CCT8L2: variants seen among roughly 807,000 people sequenced by gnomAD.
The protein encoded by CCT8L2 is chaperonin containing TCP1 subunit 8 like 2.
In CCT8L2, 29 loss-of-function variants were observed where a neutral mutation model predicts 31.5. That is an observed-to-expected ratio of 0.92 (90% CI 0.68 to 1.25). The LOEUF is 1.25. Among genes scored for constraint, CCT8L2 ranks in the 50% most tolerant of loss-of-function variants. CCT8L2 has a pLI of 0.00. For synonymous variants in CCT8L2, 256 were observed against 290.1 expected, an observed-to-expected ratio of 0.88 and a Z score of 1.19; for missense variants, 589 against 695.7, an observed-to-expected ratio of 0.85 and a Z score of 1.73.
In CCT8L2 at chr22:16,592,454, G is replaced by A. The variant is rs2059594757; in HGVS notation, c.97C>T (p.Leu33=). The A allele has an allele frequency of 6.2e-7, 1 of 1,614,176 alleles. No individual in the cohort carries two copies. Among genetic ancestry groups the A allele is most frequent in the African/African-American group, 1.3e-5 (1 of 75,066 alleles). ...PRSPEEEEPH[L]LSSLAAVQTL... ...TGGACTGCAGCCAAGCTGCTCAGCA[G>A]GTGGGGCTCCTCCTCTTCTGGACTC... The change falls in exon 1 of 1, where the codon CTG becomes TTG. Residue 33 remains leucine, a synonymous_variant. Coordinates refer to ENST00000359963, the MANE Select transcript of CCT8L2 (RefSeq NM_014406.5).
chr22:16,590,917 G>A lies in CCT8L2; in HGVS notation c.1634C>T (p.Pro545Leu), dbSNP rs755098672. 1 of 1,613,442 alleles carries A rather than the reference G, an allele frequency of 6.2e-7. No homozygotes were observed. Among genetic ancestry groups the A allele is most frequent in the African/African-American group, 1.3e-5 (1 of 74,850 alleles). Residue 545 changes from proline (P) to leucine (L), a missense_variant, in exon 1 of 1, where the codon CCT becomes CTT. Pro to Leu is a moderately conservative substitution (Grantham distance 98). Transcript: ENST00000359963. ...PDSKKTKKHP[P>L]PVETKKILGL... ...AAGGATTTTTTTTGTTTCCACAGGAGGTGGGTGTTTCTTTGTCTTCTTAGA... is the reference window on the plus strand; with the variant it reads ...AAGGATTTTTTTTGTTTCCACAGGAAGTGGGTGTTTCTTTGTCTTCTTAGA...
chr22:16,592,176 A>G lies in CCT8L2; in HGVS notation c.375T>C (p.Ala125=), dbSNP rs5747988. ...CCCGGAGCTGCGGGCGAGGCAGGCC[A>G]GCCTTCAGCAGCTGCTCTGCCTGTT... is the stretch of plus-strand genomic sequence containing the variant. The part of the protein sequence containing the change: ...LLEQAEQLLK[A]GLPRPQLREA... Residue 125 remains alanine, a synonymous_variant, in exon 1 of 1, where the codon GCT becomes GCC. Coordinates refer to ENST00000359963, the MANE Select transcript of CCT8L2 (RefSeq NM_014406.5). 1,472,458 of 1,614,114 alleles carry G rather than the reference A, an allele frequency of 0.91. 673,999 individuals carry two copies. The highest frequency in any genetic ancestry group is 0.95 in the Middle Eastern group (5,760 of 6,062).
Position 16,591,003 on chromosome 22 carries a change from A to G in CCT8L2, c.1548T>C (p.Thr516=). Residue 516 remains threonine (T), a synonymous_variant, in exon 1 of 1, where the codon ACT becomes ACC. Coordinates refer to ENST00000359963, the MANE Select transcript of CCT8L2 (RefSeq NM_014406.5). ...AVAEVVLQLV[T]VDEIVVAKKS... The stretch of plus-strand genomic sequence containing the variant: ...TCTTGGCCACTACGATTTCATCTAC[A>G]GTCACGAGCTGTAGCACCACCTCAG... 6.2e-7 allele frequency: 1 copy of G among 1,613,958 alleles called. No homozygotes were observed.
chr22:16,591,982 G>A lies in CCT8L2; in HGVS notation c.569C>T (p.Ala190Val), dbSNP rs779608433. Reference sequence around the variant, plus strand: ...GAAGCTGCCGTCTAGTTCCTTGATAGCCCAGCAGGCGTGGGCCACCAGCTT... The same window carrying A: ...GAAGCTGCCGTCTAGTTCCTTGATAACCCAGCAGGCGTGGGCCACCAGCTT... ...LTKLVAHACW[A>V]IKELDGSFKP... Residue 190 changes from alanine to valine, a missense_variant, in exon 1 of 1, where the codon GCT becomes GTT. Ala to Val is a moderately conservative substitution (Grantham distance 64). Transcript: ENST00000359963. 1 of 1,614,176 alleles carries A rather than the reference G, an allele frequency of 6.2e-7. No individual in the cohort carries two copies. The highest frequency in any genetic ancestry group is 8.5e-7 in the Non-Finnish European group (1 of 1,180,036).
Position 16,592,267 on chromosome 22 carries a change from T to C in CCT8L2, c.284A>G (p.Gln95Arg). 6.2e-7 allele frequency: 1 copy of C among 1,614,256 alleles called. No individual in the cohort carries two copies. The highest frequency in any genetic ancestry group is 1.1e-5 in the South Asian group (1 of 91,090). Reference sequence around the variant, plus strand: ...GTCCCCACTATTCTCTGCCTGGGTTTGTCCTGCTTCCCGGAGGAGCCATGC... The same window carrying C: ...GTCCCCACTATTCTCTGCCTGGGTTCGTCCTGCTTCCCGGAGGAGCCATGC... ...PAAWLLREAGQTQAENSGDGT... is the reference protein window; with the variant it reads ...PAAWLLREAGRTQAENSGDGT... Residue 95 changes from glutamine (Q) to arginine (R), a missense_variant, in exon 1 of 1, where the codon CAA (glutamine) becomes CGA (arginine). Physicochemically the swap from Gln to Arg is conservative, Grantham distance 43 (BLOSUM62 1). Coordinates refer to ENST00000359963, the MANE Select transcript of CCT8L2 (RefSeq NM_014406.5).
chr22:16,592,309 T>C lies in CCT8L2; in HGVS notation c.242A>G (p.Glu81Gly). Residue 81 changes from glutamate (E) to glycine (G), a missense_variant, in exon 1 of 1, where the codon GAG (glutamate) becomes GGG (glycine). Coordinates refer to ENST00000359963, the MANE Select transcript of CCT8L2 (RefSeq NM_014406.5). ...GAGCCATGCTGCTGGGTGCTCCAGCTCCAGGGCCCTGAGGATGGCAGTGGC... is the reference window on the plus strand; with the variant it reads ...GAGCCATGCTGCTGGGTGCTCCAGCCCCAGGGCCCTGAGGATGGCAGTGGC... The part of the protein sequence containing the change: ...GCATAILRAL[E>G]LEHPAAWLLR... 6.2e-7 allele frequency: 1 copy of C among 1,614,202 alleles called. No individual in the cohort carries two copies. The highest frequency in any genetic ancestry group is 8.5e-7 in the Non-Finnish European group (1 of 1,180,032).
chr22:16,591,507 C>G lies in CCT8L2; in HGVS notation c.1044G>C (p.Gln348His), dbSNP rs372347697. 8.1e-6 allele frequency: 13 copies of G among 1,614,120 alleles called. No individual in the cohort carries two copies. In the African/African-American group the frequency reaches 1.1e-4, roughly 13 times the overall value. ...CTCCCAGCTCCTGCCTGTAAACCCTCTGGCACTTGCCTGGCCTCTGGGGAG... is the reference window on the plus strand; with the variant it reads ...CTCCCAGCTCCTGCCTGTAAACCCTGTGGCACTTGCCTGGCCTCTGGGGAG... ...LLPPQRPGKC[Q>H]RVYRQELGDG... is the part of the protein sequence containing the mutation. The change falls in exon 1 of 1, where the codon CAG becomes CAC. Residue 348 changes from glutamine to histidine, a missense_variant. Gln to His is a conservative substitution (Grantham distance 24). Transcript: ENST00000359963.
Position 16,592,090 on chromosome 22 carries a change from G to C in CCT8L2, c.461C>G (p.Ser154Cys). 2 of 1,614,242 alleles carry C rather than the reference G, an allele frequency of 1.2e-6. No individual in the cohort carries two copies. Among genetic ancestry groups the C allele is most frequent in the Non-Finnish European group, 8.5e-7 (1 of 1,180,046 alleles). ...GGATGGATCTTCCAAAGGCCCCAGA[G>C]ATTGGATGGCCAGGGAGGGCAGTGT... ...LATLPSLAIQ[S>C]LGPLEDPSWA... Residue 154 changes from serine to cysteine, a missense_variant, in exon 1 of 1, where the codon TCT (serine) becomes TGT (cysteine). Physicochemically the swap from Ser to Cys is moderately radical, Grantham distance 112. Coordinates refer to ENST00000359963, the MANE Select transcript of CCT8L2 (RefSeq NM_014406.5).
In CCT8L2 at chr22:16,591,827, C is replaced by T. The variant is rs1241693631; in HGVS notation, c.724G>A (p.Ala242Thr). The change falls in exon 1 of 1, where the codon GCT becomes ACT. Residue 242 changes from alanine (A) to threonine (T), a missense_variant. Physicochemically the swap from Ala to Thr is moderately conservative, Grantham distance 58. Transcript: ENST00000359963. ...GGACCAAAGGGGCAAGCAAAGAGAG[C>T]CACCCTGGCACCACTTAACACTGTG... ...MATVLSGARV[A>T]LFACPFGPAH... is the part of the protein sequence containing the mutation. The T allele has an allele frequency of 6.2e-7, 1 of 1,614,078 alleles. No individual in the cohort carries two copies. The highest frequency in any genetic ancestry group is 8.5e-7 in the Non-Finnish European group (1 of 1,180,054).
Position 16,591,848 on chromosome 22 carries a change from C to G in CCT8L2, c.703G>C (p.Val235Leu). 6.2e-7 allele frequency: 1 copy of G among 1,614,230 alleles called. No individual in the cohort carries two copies. Among genetic ancestry groups the G allele is most frequent in the Non-Finnish European group, 8.5e-7 (1 of 1,180,046 alleles). Reference protein sequence around the residue: ...SGKLCGQMATVLSGARVALFA... With the variant: ...SGKLCGQMATLLSGARVALFA... ...AGAGCCACCCTGGCACCACTTAACA[C>G]TGTGGCCATTTGCCCACAGAGCTTC... Residue 235 changes from valine to leucine, a missense_variant, in exon 1 of 1, where the codon GTG becomes CTG. Physicochemically the swap from Val to Leu is conservative, Grantham distance 32 (BLOSUM62 1). Transcript: ENST00000359963.
chr22:16,592,248 A>T lies in CCT8L2; in HGVS notation c.303T>A (p.Ser101Arg). Reference protein sequence around the residue: ...REAGQTQAENSGDGTAFVVLL... With the variant: ...REAGQTQAENRGDGTAFVVLL... ...GAACCACGAAGGCTGTGCCGTCCCC[A>T]CTATTCTCTGCCTGGGTTTGTCCTG... The change falls in exon 1 of 1, where the codon AGT becomes AGA. Residue 101 changes from serine (S) to arginine (R), a missense_variant. Transcript: ENST00000359963. 6.2e-7 allele frequency: 1 copy of T among 1,614,166 alleles called. No individual in the cohort carries two copies. Among genetic ancestry groups the T allele is most frequent in the South Asian group, 1.1e-5 (1 of 91,090 alleles).
rs770523029 is a variant in CCT8L2 at position 16,592,571 on chromosome 22, G to A, written c.-21C>T. On this transcript the variant is annotated 5_prime_UTR_variant, in exon 1 of 1. Transcript: ENST00000359963. ...TCCATGGCCCGCAGAGAGAGGAGAGGCCACCGTGGGTTGCAGAGATGCTCT... is the reference window on the plus strand; with the variant it reads ...TCCATGGCCCGCAGAGAGAGGAGAGACCACCGTGGGTTGCAGAGATGCTCT... 3.2e-6 allele frequency: 5 copies of A among 1,559,970 alleles called. No homozygotes were observed. Among genetic ancestry groups the A allele is most frequent in the African/African-American group, 1.4e-5 (1 of 73,342 alleles).
chr22:16,590,895 GA>G lies in CCT8L2; in HGVS notation c.1655del (p.Ile552ThrfsTer4), dbSNP rs1488140597. 1 of 1,609,840 alleles carries G rather than the reference GA, an allele frequency of 6.2e-7. No homozygotes were observed. Among genetic ancestry groups the G allele is most frequent in the African/African-American group, 1.3e-5 (1 of 74,494 alleles). ...KHPPPVETKK[I>X]LGLNN ...GGTATCACTAGTTATTCAATCCAAG[GA>G]TTTTTTTTGTTTCCACAGGAGGTGG... On this transcript the variant is annotated frameshift_variant, in exon 1 of 1. Transcript: ENST00000359963. LOFTEE classifies it high-confidence loss of function.
chr22:16,591,047 G>A lies in CCT8L2; in HGVS notation c.1504C>T (p.Gln502Ter), dbSNP rs998194162. The change falls in exon 1 of 1, where the codon CAA becomes TAA. Residue 502 changes from glutamine (Q) to a stop codon, truncating the protein, a stop_gained. Coordinates refer to ENST00000359963, the MANE Select transcript of CCT8L2 (RefSeq NM_014406.5). LOFTEE classifies it high-confidence loss of function. Reference protein sequence around the residue: ...GVWDTLIVKAQGFRAVAEVVL... With the variant: ...GVWDTLIVKA ...ACCTCAGCCACTGCTCGAAATCCTTGGGCTTTGACTATTAGGGTGTCCCAC... is the reference window on the plus strand; with the variant it reads ...ACCTCAGCCACTGCTCGAAATCCTTAGGCTTTGACTATTAGGGTGTCCCAC... 2.5e-6 allele frequency: 4 copies of A among 1,613,814 alleles called. No homozygotes were observed. In the African/African-American group the frequency reaches 4.0e-5, roughly 16 times the overall value.
chr22:16,592,477 C>T lies in CCT8L2; in HGVS notation c.74G>A (p.Ser25Asn). 2 of 1,614,140 alleles carry T rather than the reference C, an allele frequency of 1.2e-6. No individual in the cohort carries two copies. Among genetic ancestry groups the T allele is most frequent in the Non-Finnish European group, 1.7e-6 (2 of 1,180,046 alleles). The change falls in exon 1 of 1, where the codon AGT becomes AAT. Residue 25 changes from serine (S) to asparagine (N), a missense_variant. Physicochemically the swap from Ser to Asn is conservative, Grantham distance 46. Coordinates refer to ENST00000359963, the MANE Select transcript of CCT8L2 (RefSeq NM_014406.5). ...CAGGTGGGGCTCCTCCTCTTCTGGA[C>T]TCCTCGGGCTCTCCCTTGGGTTCAG... Reference protein sequence around the residue: ...LALNPRESPRSPEEEEPHLLS... With the variant: ...LALNPRESPRNPEEEEPHLLS...
chr22:16,590,757 G>A lies in CCT8L2; in HGVS notation c.*120C>T. On this transcript the variant is annotated 3_prime_UTR_variant, in exon 1 of 1. Transcript: ENST00000359963. ...CTAAGCGCATGAAAAGAAATTTTAT[G>A]TTCCTTCATGTTTTTATTTAAAGAA... 5.0e-6 allele frequency: 4 copies of A among 796,860 alleles called. No homozygotes were observed. The highest frequency in any genetic ancestry group is 3.6e-5 in the South Asian group (2 of 55,580). 49.4% of individuals were successfully genotyped at this position (796,860 alleles called of 1,614,324 possible). A position where few individuals can be genotyped will look rare whatever the true frequency, so the allele number is the denominator to read the frequency against.
In CCT8L2 at chr22:16,592,264, G is replaced by A; in HGVS notation, c.287C>T (p.Thr96Ile). 1 of 1,614,264 alleles carries A rather than the reference G, an allele frequency of 6.2e-7. No individual in the cohort carries two copies. The highest frequency in any genetic ancestry group is 8.5e-7 in the Non-Finnish European group (1 of 1,180,056). Residue 96 changes from threonine to isoleucine, a missense_variant, in exon 1 of 1, where the codon ACC (threonine) becomes ATC (isoleucine). Transcript: ENST00000359963. ...GCCGTCCCCACTATTCTCTGCCTGGGTTTGTCCTGCTTCCCGGAGGAGCCA... is the reference window on the plus strand; with the variant it reads ...GCCGTCCCCACTATTCTCTGCCTGGATTTGTCCTGCTTCCCGGAGGAGCCA... The part of the protein sequence containing the change: ...AAWLLREAGQ[T>I]QAENSGDGTA...
chr22:16,591,229 A>G lies in CCT8L2; in HGVS notation c.1322T>C (p.Phe441Ser), dbSNP rs762983877. 6.2e-7 allele frequency: 1 copy of G among 1,614,024 alleles called. No individual in the cohort carries two copies. Among genetic ancestry groups the G allele is most frequent in the Non-Finnish European group, 8.5e-7 (1 of 1,179,868 alleles). The change falls in exon 1 of 1, where the codon TTT (phenylalanine) becomes TCT (serine). Residue 441 changes from phenylalanine (F) to serine (S), a missense_variant. Physicochemically the swap from Phe to Ser is radical, Grantham distance 155. Coordinates refer to ENST00000359963, the MANE Select transcript of CCT8L2 (RefSeq NM_014406.5). ...EGPSGPAFLA[F>S]AWALKYLPKT... is the part of the protein sequence containing the mutation. ...AGGAAGATACTTCAGGGCCCAGGCA[A>G]ATGCTAGGAATGCAGGCCCACTGGG...
At position 16,592,140 on chromosome 22, in the gene CCT8L2, G is replaced by A. The variant is rs573903233; in HGVS notation, c.411C>T (p.Ala137=). The A allele has an allele frequency of 6.8e-6, 11 of 1,614,184 alleles. No individual in the cohort carries two copies. The highest frequency in any genetic ancestry group is 9.3e-6 in the Non-Finnish European group (11 of 1,180,036). The change falls in exon 1 of 1, where the codon GCC becomes GCT. Residue 137 remains alanine (A), a synonymous_variant. Transcript: ENST00000359963. ...LPRPQLREAY[A]TATAEVLATL... Reference sequence around the variant, plus strand: ...TGGCCAGGACCTCTGCAGTGGCCGTGGCGTAGGCCTCCCGGAGCTGCGGGC... The same window carrying A: ...TGGCCAGGACCTCTGCAGTGGCCGTAGCGTAGGCCTCCCGGAGCTGCGGGC...
Sources: allele counts gnomAD v4.1 joint callset, GRCh38; gene constraint gnomAD v4.1.1; transcripts MANE v1.5; gene names NCBI Gene and HGNC (gene_info 2026-07-23, HGNC 2026-07-21).